The following ITPK1 variants were observed in gnomAD, a reference collection of about 807,000 sequenced individuals.
ITPK1 encodes inositol 1,3,4-trisphosphate 5/6-kinase.
A neutral mutation model predicts 45.3 loss-of-function variants in ITPK1; 21 were observed. The ratio of observed to expected loss-of-function variants is 0.46; its 90% confidence interval spans 0.33 to 0.67. The LOEUF is 0.67. Among genes scored for constraint, ITPK1 ranks in the 30% least tolerant of loss-of-function variants. The probability of loss-of-function intolerance (pLI) is 0.02; values close to 1 mark genes in which losing one functional copy is unlikely to be tolerated. For missense variants in ITPK1, 474 were observed against 573.5 expected, an observed-to-expected ratio of 0.83 and a Z score of 1.77; for synonymous variants, 258 against 253.6, an observed-to-expected ratio of 1.02 and a Z score of -0.16.
At chr14:92,999,870 A>T (rs1887250562) in intron 4 of ITPK1, among the ~76,000 whole-genome samples, 1 of 152,242 alleles carries the variant, frequency 6.6e-6, no homozygotes. Flanking sequence ...GAACGTTTTC[A>T]TCCCATCCGA....
At chr14:93,052,186 C>G (rs1770320126) in intron 3 of ITPK1, among the ~76,000 whole-genome samples, 1 of 152,208 alleles carries the variant, frequency 6.6e-6, no homozygotes, top group Admixed American at 6.5e-5. Context: ...CTTCAATTTC[C>G]ATATCCAAAA....
At chr14:92,944,450 T>G (rs1359413546) in intron 10 of ITPK1, among the ~76,000 whole-genome samples, 1 of 151,998 alleles carries the variant, frequency 6.6e-6, no homozygotes, top group Non-Finnish European at 1.5e-5. Context: ...CCACACTGGC[T>G]CACAGTGCCC....
intron 3 of ITPK1, among the ~76,000 whole-genome samples, chr14:93,055,451 C>G (rs1270766851): frequency 6.6e-6 from 1 of 152,164 alleles, no homozygotes; most frequent in South Asian, 2.1e-4. Flanking sequence ...CCTCCCCCAC[C>G]TCACTCGCCA....
intron 3 of ITPK1, among the ~76,000 whole-genome samples, chr14:93,075,388 C>G (rs1295618452): frequency 7.3e-6 from 1 of 137,112 alleles, no homozygotes; most frequent in East Asian, 2.2e-4. Flanking sequence ...AAATCTAGTG[C>G]AGAACATGCA....
intron 3 of ITPK1, chr14:93,066,474 G>A (rs1307946215): frequency 9.3e-6 from 3 of 321,516 alleles, no homozygotes; most frequent in East Asian, 9.3e-5. Flanking sequence ...GCGCGATCTC[G>A]GCTCACTGCA....
chr14:92,978,851 C>T (rs116224570), intron 5 of ITPK1, among the ~76,000 whole-genome samples: 2 of 152,142 alleles, frequency 1.3e-5, no homozygotes, highest in Non-Finnish European at 1.5e-5. Flanking sequence ...TAGGGCAGTG[C>T]AGAGAGTAAA....
At chr14:93,088,243 G>T (rs1009636348) in intron 2 of ITPK1, among the ~76,000 whole-genome samples, 1 of 152,044 alleles carries the variant, frequency 6.6e-6, no homozygotes, top group African/African-American at 2.4e-5. Flanking sequence ...GGCGGGGCAG[G>T]ATTTGTGAGT....
At chr14:93,101,444 G>A (rs1892316468) in intron 2 of ITPK1, among the ~76,000 whole-genome samples, 1 of 152,210 alleles carries the variant, frequency 6.6e-6, no homozygotes, top group African/African-American at 2.4e-5. Flanking sequence ...GCACAGAAGG[G>A]AAGTTTGCAT....
chr14:92,994,657 G>A (rs1033646016), intron 4 of ITPK1, among the ~76,000 whole-genome samples: 7 of 152,178 alleles, frequency 4.6e-5, no homozygotes, highest in Non-Finnish European at 7.3e-5. Flanking sequence ...CCACCCAGGT[G>A]GGCCAGACCA....
At chr14:92,952,058 G>GT in intron 8 of ITPK1, 45 bp from the exon 9 acceptor site, 1 of 1,474,158 alleles carries the variant, frequency 6.8e-7, no homozygotes, top group Non-Finnish European at 9.3e-7. Flanking sequence ...CCTCAATGCA[G>GT]GGACCACACT....
intron 2 of ITPK1, among the ~76,000 whole-genome samples, chr14:93,099,680 C>T (rs1373565800): frequency 2.6e-5 from 4 of 152,200 alleles, no homozygotes; most frequent in Non-Finnish European, 4.4e-5. Context: ...GAAGCCGCTT[C>T]GGGGCTGCCC....
chr14:93,008,347 C>T lies in ITPK1; in HGVS notation c.246+8329G>A, dbSNP rs75569543. Among the ~76,000 whole-genome samples, 247 of 152,236 alleles carry T rather than the reference C, an allele frequency of 1.6e-3. 2 individuals are homozygous for T. Among genetic ancestry groups the T allele is most frequent in the African/African-American group, 5.7e-3 (236 of 41,534 alleles). On this transcript the variant is annotated intron_variant, in intron 4 of 10. Transcript: ENST00000267615. Reference sequence around the variant, plus strand: ...TACAGCTCCAGCAGGGCAGGGGCTGCGTCCACCAGGTCTTATTCATTGTTG... The same window carrying T: ...TACAGCTCCAGCAGGGCAGGGGCTGTGTCCACCAGGTCTTATTCATTGTTG...
chr14:93,062,037 G>A (rs1202385562), intron 3 of ITPK1, among the ~76,000 whole-genome samples: 6 of 152,180 alleles, frequency 3.9e-5, no homozygotes, highest in East Asian at 1.9e-4. Flanking sequence ...TTTAGAAGCC[G>A]AGGCGGGCAG....
intron 2 of ITPK1, among the ~76,000 whole-genome samples, chr14:93,093,302 C>A (rs1195796488): frequency 6.6e-6 from 1 of 152,232 alleles, no homozygotes; most frequent in African/African-American, 2.4e-5. Flanking sequence ...CTGTGGAGCC[C>A]AGCTCTCTGC....
chr14:92,946,283 GAC>G, intron 10 of ITPK1, 46 bp downstream of exon 10: 6 of 1,604,536 alleles, frequency 3.7e-6, no homozygotes, highest in Non-Finnish European at 5.1e-6. Context: ...GTCACCTGAG[GAC>G]AGTCTCTGGA....
intron 3 of ITPK1, chr14:93,072,131 TA>T (rs34502960): frequency 0.17 from 21,548 of 124,624 alleles, 2,027 homozygotes; most frequent in African/African-American, 0.28. Flanking sequence ...CATCTCTACT[TA>T]AAAAAAAAAA....
chr14:92,995,254 C>T (rs902527303), intron 4 of ITPK1, among the ~76,000 whole-genome samples: 2 of 152,168 alleles, frequency 1.3e-5, no homozygotes, highest in Non-Finnish European at 2.9e-5. Flanking sequence ...GTGATTCCTC[C>T]GCCCAGCCAG....
intron 3 of ITPK1, chr14:93,071,095 T>C (rs1304253922): frequency 6.5e-6 from 1 of 154,016 alleles, no homozygotes; most frequent in Non-Finnish European, 1.5e-5. Flanking sequence ...CCCAACTCCC[T>C]GCTCTAAACA....
Position 93,036,182 on chromosome 14 carries a change from C to T in ITPK1, c.121-19381G>A, listed in dbSNP as rs544987475. On this transcript the variant is annotated intron_variant, in intron 3 of 10. Coordinates refer to ENST00000267615, the MANE Select transcript of ITPK1 (RefSeq NM_014216.6). This position sits in a 1 kb window ranked among gnomAD's most constrained non-coding sequence, Gnocchi z 4.1. ...CCAAGGTCGGTAACTTCAAGAGCTG[C>T]GGGGAGCAGAGGCCACAACCGGAGG... Among the ~76,000 whole-genome samples the T allele has an allele frequency of 1.3e-5, 2 of 152,078 alleles. No individual in the cohort carries two copies. The highest frequency in any genetic ancestry group is 4.8e-5 in the African/African-American group (2 of 41,390).
Sources: gnomAD v4.1 joint callset for allele counts (sites outside exome capture counted in the v4.1 genomes callset) on GRCh38, gnomAD v4.1.1 for gene constraint, Gnocchi (gnomAD v3.1) non-coding constraint, MANE v1.5 for transcripts, NCBI Gene and HGNC (gene_info 2026-07-23, HGNC 2026-07-21) for gene names.